CHST9: variants seen among roughly 807,000 people sequenced by gnomAD.
The protein encoded by CHST9 is GalNAc-4-sulfotransferase 2.
Under a neutral mutation model 44.4 loss-of-function variants are expected in CHST9, and 41 were observed. The ratio of observed to expected loss-of-function variants is 0.92; its 90% CI spans 0.72 to 1.20. The LOEUF (loss-of-function observed/expected upper bound fraction) is 1.20, where lower values mean the gene tolerates loss of function less well. CHST9 is among the 50% of genes most tolerant of loss of function. CHST9 has a pLI of 0.00. For synonymous variants in CHST9, 171 were observed against 178.4 expected, an observed-to-expected ratio of 0.96 and a Z score of 0.33; for missense variants, 504 against 516.5, an observed-to-expected ratio of 0.98 and a Z score of 0.23.
chr18:27,146,636 T>C lies in CHST9; in HGVS notation c.-96-3731A>G, dbSNP rs114365303. On this transcript the variant is annotated intron_variant, in intron 1 of 5. Transcript: ENST00000618847. The stretch of plus-strand genomic sequence containing the variant: ...GCTTCCTGTATTTTGTACAACTCCT[T>C]CTTCTCCCTTCCCATAAACAGAATA... 2.4e-3 allele frequency among the ~76,000 whole-genome samples: 363 copies of C among 152,340 alleles called. 5 individuals carry two copies. The highest frequency in any genetic ancestry group is 8.2e-3 in the African/African-American group (341 of 41,592).
chr18:27,059,479 A>G (rs186793375), intron 2 of CHST9, among the ~76,000 whole-genome samples: 123 of 152,338 alleles, frequency 8.1e-4, no homozygotes, highest in African/African-American at 2.9e-3. Context: ...ATTTAGAGTT[A>G]ATTTTCTGTA....
intron 2 of CHST9, among the ~76,000 whole-genome samples, chr18:27,124,129 A>T (rs1241229762): frequency 6.6e-6 from 1 of 152,246 alleles, no homozygotes; most frequent in Non-Finnish European, 1.5e-5. Flanking sequence ...GTCAAAACTG[A>T]ATAAATGAAT....
At chr18:27,139,940 T>G (rs1239679984) in intron 2 of CHST9, among the ~76,000 whole-genome samples, 1 of 152,196 alleles carries the variant, frequency 6.6e-6, no homozygotes, top group Non-Finnish European at 1.5e-5. Flanking sequence ...GTACTGATAC[T>G]ACTGCATTTA....
rs1568095318 is a variant in CHST9 at position 26,928,209 on chromosome 18, A to G, written c.241-10859T>C. ...CTACTTCTTTCTACATAGACACAGT[A>G]ACAGTCTGACTTCTCTTTCTTTTCC... On this transcript the variant is annotated intron_variant, in intron 5 of 5. Coordinates refer to ENST00000618847, the MANE Select transcript of CHST9 (RefSeq NM_031422.6). 3 of 153,334 alleles carry G rather than the reference A, an allele frequency of 2.0e-5. No individual in the cohort carries two copies. The Admixed American group carries it at 2.0e-4, about 10-fold the overall frequency. The allele number at this position is 153,334 out of a possible 1,614,324, so 9.5% of individuals were successfully genotyped here. A position where few individuals can be genotyped will look rare whatever the true frequency, so the allele number is the denominator to read the frequency against.
chr18:27,144,014 A>G (rs535006438), intron 1 of CHST9, among the ~76,000 whole-genome samples: 5 of 152,206 alleles, frequency 3.3e-5, no homozygotes, highest in Non-Finnish European at 7.4e-5. Context: ...CCTGTTCCCA[A>G]TGAACTGCCA....
chr18:27,021,646 T>C (rs749748373), intron 4 of CHST9, among the ~76,000 whole-genome samples: 16 of 152,194 alleles, frequency 1.1e-4, no homozygotes, highest in African/African-American at 3.9e-4. Flanking sequence ...CTCTTTCTTG[T>C]CTTGCTTCCC....
chr18:26,998,650 T>G (rs141511556), intron 4 of CHST9, among the ~76,000 whole-genome samples: 2,906 of 148,606 alleles, frequency 0.02, 111 homozygotes, highest in African/African-American at 0.069. Flanking sequence ...CACTTGAACC[T>G]GGGAGGCGGA....
intron 4 of CHST9, among the ~76,000 whole-genome samples, chr18:26,981,643 T>G (rs1484809696): frequency 1.3e-5 from 2 of 152,214 alleles, no homozygotes; most frequent in African/African-American, 4.8e-5. Flanking sequence ...AGGTATGATT[T>G]CTGTGGGTAA....
At chr18:27,121,403 G>A (rs1598738819) in intron 2 of CHST9, among the ~76,000 whole-genome samples, 1 of 152,188 alleles carries the variant, frequency 6.6e-6, no homozygotes. Context: ...TGATTGGCAG[G>A]AGGCTGTCAG....
chr18:27,067,897 A>G (rs1044644978), intron 2 of CHST9, among the ~76,000 whole-genome samples: 7 of 152,158 alleles, frequency 4.6e-5, no homozygotes, highest in African/African-American at 1.7e-4. Context: ...GGGAAAACAA[A>G]GAAGTTATAA....
intron 4 of CHST9, among the ~76,000 whole-genome samples, chr18:26,995,828 A>G (rs562023691): frequency 6.6e-6 from 1 of 152,326 alleles, no homozygotes; most frequent in South Asian, 2.1e-4. Context: ...AAAATTGCTT[A>G]TTGTGTATCT....
At chr18:27,012,013 G>T (rs2057090843) in intron 4 of CHST9, among the ~76,000 whole-genome samples, 1 of 152,222 alleles carries the variant, frequency 6.6e-6, no homozygotes, top group South Asian at 2.1e-4. Flanking sequence ...GTATCTAGTT[G>T]TGCTTTGGTC....
intron 2 of CHST9, among the ~76,000 whole-genome samples, chr18:27,050,415 A>G (rs888590004): frequency 6.6e-6 from 1 of 152,188 alleles, no homozygotes; most frequent in Non-Finnish European, 1.5e-5. Flanking sequence ...TTTTTTTGTC[A>G]TCTATCAACA....
chr18:27,039,145 G>C (rs1335253613), intron 3 of CHST9, among the ~76,000 whole-genome samples: 1 of 152,044 alleles, frequency 6.6e-6, no homozygotes, highest in African/African-American at 2.4e-5. Flanking sequence ...AGTACCACAT[G>C]ATCCAGCAAT....
chr18:26,984,738 A>G (rs2056734202), intron 4 of CHST9, among the ~76,000 whole-genome samples: 1 of 151,746 alleles, frequency 6.6e-6, no homozygotes, highest in South Asian at 2.1e-4. Context: ...ACAAAAAAAA[A>G]AAAAAAAGAA....
chr18:27,105,963 A>G (rs893812657), intron 2 of CHST9, among the ~76,000 whole-genome samples: 1 of 152,146 alleles, frequency 6.6e-6, no homozygotes, highest in African/African-American at 2.4e-5. Flanking sequence ...CATTTCGCAA[A>G]TTTTTAGGAT....
chr18:27,155,727 A>G (rs1390754867), intron 1 of CHST9, among the ~76,000 whole-genome samples: 2 of 152,172 alleles, frequency 1.3e-5, no homozygotes, highest in African/African-American at 2.4e-5. Context: ...GGAGAATTCA[A>G]TCAGTTTAAT....
At chr18:26,974,901 C>G (rs938752878) in intron 4 of CHST9, among the ~76,000 whole-genome samples, 1 of 152,176 alleles carries the variant, frequency 6.6e-6, no homozygotes, top group Non-Finnish European at 1.5e-5. Context: ...GTCTTGAACT[C>G]TGACCTCAAA....
chr18:26,950,056 T>C (rs1310249515), intron 4 of CHST9, among the ~76,000 whole-genome samples: 1 of 152,212 alleles, frequency 6.6e-6, no homozygotes, highest in African/African-American at 2.4e-5. Context: ...CATACATTTG[T>C]GTTGTTTTAA....
Sources: gnomAD v4.1 joint callset for allele counts (sites outside exome capture counted in the v4.1 genomes callset) on GRCh38, gnomAD v4.1.1 for gene constraint, MANE v1.5 for transcripts, NCBI Gene and HGNC (gene_info 2026-07-23, HGNC 2026-07-21) for gene names.